NUMBL: variants seen among roughly 807,000 people sequenced by gnomAD.
The protein encoded by NUMBL is NUMB like endocytic adaptor protein.
NUMBL carries 20 observed loss-of-function variants against 48.9 expected under a neutral mutation model. That is an observed-to-expected ratio of 0.41 (90% CI 0.29 to 0.59). The LOEUF is 0.59. Among genes scored for constraint, NUMBL ranks in the 20% least tolerant of loss-of-function variants. The probability of loss-of-function intolerance (pLI) is 0.31; values close to 1 mark genes in which losing one functional copy is unlikely to be tolerated. For synonymous variants in NUMBL, 340 were observed against 348.7 expected (o/e 0.98, Z 0.28); for missense variants, 660 against 846.2 (o/e 0.78, Z 2.73).
chr19:40,667,911 A>G lies in NUMBL; in HGVS notation c.1387T>C (p.Phe463Leu). The stretch of plus-strand genomic sequence containing the variant: ...TCAAAGGGCCCCACGGGGGCGGGGA[A>G]AGGCTGCAGGGCAGGAGGCATGGTG... ...VPTMPPALQP[F>L]PAPVGPFDAA... The change falls in exon 10 of 10, where the codon TTC (phenylalanine) becomes CTC (leucine). Residue 463 changes from phenylalanine to leucine, a missense_variant. This residue lies in a region of NUMBL where 296 missense variants were observed against 339.7 expected (regional missense o/e 0.87). Transcript: ENST00000252891. The surrounding 1 kb of genome is among the most constrained non-coding windows in gnomAD (Gnocchi z 6.1). The G allele has an allele frequency of 6.4e-7, 1 of 1,573,346 alleles. No individual in the cohort carries two copies. The highest frequency in any genetic ancestry group is 8.6e-7 in the Non-Finnish European group (1 of 1,159,480).
chr19:40,675,894 CTCTG>C (rs1263017761), intron 7 of NUMBL, among the ~76,000 whole-genome samples: 3 of 151,212 alleles, frequency 2.0e-5, no homozygotes, highest in Non-Finnish European at 2.9e-5. Context: ...CAGGGTCTCA[CTCTG>C]TCTGTCACCC....
intron 8 of NUMBL, among the ~76,000 whole-genome samples, chr19:40,671,331 CCTGA>C (rs1245205873): frequency 2.6e-5 from 4 of 151,960 alleles, no homozygotes; most frequent in South Asian, 2.1e-4. Flanking sequence ...TGAGAGTATA[CCTGA>C]CTGTGAGTTT....
intron 8 of NUMBL, among the ~76,000 whole-genome samples, chr19:40,672,748 A>G (rs1376224705): frequency 3.9e-5 from 6 of 152,190 alleles, no homozygotes; most frequent in Admixed American, 3.3e-4. Flanking sequence ...CTAATTGATC[A>G]TGACTTGTGA....
chr19:40,670,077 C>T (rs2081839132), intron 8 of NUMBL, 57 bp from the exon 9 acceptor site: 18 of 1,579,380 alleles, frequency 1.1e-5, no homozygotes, highest in Non-Finnish European at 1.5e-5. Flanking sequence ...GCCGCAGCCC[C>T]GCCCTCTACC....
intron 6 of NUMBL, among the ~76,000 whole-genome samples, chr19:40,680,246 C>A (rs927774783): frequency 2.0e-5 from 3 of 151,436 alleles, no homozygotes; most frequent in African/African-American, 7.3e-5. Flanking sequence ...ATTCTCCCCA[C>A]ATGTGATTCT....
Position 40,667,158 on chromosome 19 carries a change from G to A in NUMBL, c.*310C>T. 6 of 383,866 alleles carry A rather than the reference G, an allele frequency of 1.6e-5. No individual in the cohort carries two copies. Among genetic ancestry groups the A allele is most frequent in the South Asian group, 7.3e-5 (3 of 40,870 alleles). The allele number at this position is 383,866 out of a possible 1,614,324, so 23.8% of individuals were successfully genotyped here. On this transcript the variant is annotated 3_prime_UTR_variant, in exon 10 of 10. Coordinates refer to ENST00000252891, the MANE Select transcript of NUMBL (RefSeq NM_004756.5). The surrounding 1 kb of genome is among the most constrained non-coding windows in gnomAD (Gnocchi z 6.1). The stretch of plus-strand genomic sequence containing the variant: ...CAACAGAAACTGGGAAATGGAGTGT[G>A]AACCAAGGGCATTCAGTGGGATTGT...
rs537096228 is a variant in NUMBL at position 40,668,108 on chromosome 19, G to A, written c.1190C>T (p.Pro397Leu). The A allele has an allele frequency of 1.8e-5, 29 of 1,602,874 alleles. No homozygotes were observed. The highest frequency in any genetic ancestry group is 3.7e-4 in the Middle Eastern group (2 of 5,376). ...GTSAWGEPSVPPAAAFQPGHK... is the reference protein window; with the variant it reads ...GTSAWGEPSVLPAAAFQPGHK... ...CCCAGGCTGGAAGGCAGCTGCAGGGGGCACGGAGGGCTCACCCCAGGCAGA... is the reference window on the plus strand; with the variant it reads ...CCCAGGCTGGAAGGCAGCTGCAGGGAGCACGGAGGGCTCACCCCAGGCAGA... The change falls in exon 10 of 10, where the codon CCC (proline) becomes CTC (leucine). Residue 397 changes from proline to leucine, a missense_variant. Pro to Leu is a moderately conservative substitution (Grantham distance 98). Transcript: ENST00000252891.
At chr19:40,670,975 ATATT>A (rs1418121633) in intron 8 of NUMBL, among the ~76,000 whole-genome samples, 10 of 152,156 alleles carry the variant, frequency 6.6e-5, no homozygotes, top group African/African-American at 1.2e-4. Context: ...TTTTTTAAAA[ATATT>A]TATTTATTTA....
chr19:40,677,900 G>A (rs1264794694), intron 6 of NUMBL, among the ~76,000 whole-genome samples: 1 of 152,154 alleles, frequency 6.6e-6, no homozygotes, highest in East Asian at 1.9e-4. Context: ...TGACTGGAAA[G>A]TGTATGAGGG....
Position 40,687,140 on chromosome 19 carries a change from G to A in NUMBL, c.25-145C>T. On this transcript the variant is annotated intron_variant, in intron 1 of 9. Transcript: ENST00000252891. This position sits in a 1 kb window ranked among gnomAD's most constrained non-coding sequence, Gnocchi z 4.6. ...CTAGTTGTCCTAGCAACTGTTACCA[G>A]GGAGATCAGCCACCTGGTTCCAAGG... 1.7e-6 allele frequency: 1 copy of A among 578,768 alleles called. No individual in the cohort carries two copies. The highest frequency in any genetic ancestry group is 2.1e-5 in the South Asian group (1 of 47,718). 35.9% of individuals were successfully genotyped at this position (578,768 alleles called of 1,614,324 possible).
rs766877208 is a variant in NUMBL, at chr19:40,677,424, A to G, written c.541-3T>C. On this transcript the variant is annotated splice_region_variant and splice_polypyrimidine_tract_variant and intron_variant, in intron 6 of 9. Transcript: ENST00000252891. The stretch of plus-strand genomic sequence containing the variant: ...ACAGCGTGGCTCAGCCTCTCGCCCT[A>G]TGGGGAGAGGATGGGCGGGGGGGTT... 2.5e-6 allele frequency: 4 copies of G among 1,606,532 alleles called. 1 individual carries two copies. The South Asian group carries it at 4.4e-5, about 18-fold the overall frequency.
chr19:40,677,555 A>C (rs1261481930), intron 6 of NUMBL, 134 bp from the exon 7 acceptor site: 1 of 718,480 alleles, frequency 1.4e-6, no homozygotes, highest in Non-Finnish European at 2.2e-6. Context: ...CTCAGTGCTC[A>C]TCTGCACCAC....
intron 3 of NUMBL, 102 bp downstream of exon 3, chr19:40,684,315 A>T: frequency 7.5e-7 from 1 of 1,341,248 alleles, no homozygotes; most frequent in Non-Finnish European, 1.0e-6. Context: ...CACCAACTTC[A>T]AACGACTTGG....
rs767656654 is a variant in NUMBL at position 40,673,601 on chromosome 19, C to G, written c.779G>C (p.Gly260Ala). Residue 260 changes from glycine to alanine, a missense_variant, in exon 8 of 10, where the codon GGG becomes GCG. Physicochemically the swap from Gly to Ala is moderately conservative, Grantham distance 60 (BLOSUM62 0). Transcript: ENST00000252891. The surrounding 1 kb of genome is among the most constrained non-coding windows in gnomAD (Gnocchi z 5.9). Reference protein sequence around the residue: ...PTVAPGPAQPGHVSPTPATTS... With the variant: ...PTVAPGPAQPAHVSPTPATTS... Reference sequence around the variant, plus strand: ...GGTGGCTGGTGTCGGGGACACGTGCCCAGGCTGGGCAGGGCCAGGAGCCAC... The same window carrying G: ...GGTGGCTGGTGTCGGGGACACGTGCGCAGGCTGGGCAGGGCCAGGAGCCAC... 10 of 1,528,186 alleles carry G rather than the reference C, an allele frequency of 6.5e-6. No individual in the cohort carries two copies. The highest frequency in any genetic ancestry group is 8.8e-6 in the Non-Finnish European group (10 of 1,132,996). The allele number at this position is 1,528,186 out of a possible 1,614,324, so 94.7% of individuals were successfully genotyped here.
intron 7 of NUMBL, among the ~76,000 whole-genome samples, chr19:40,676,764 G>C (rs2081878348): frequency 6.6e-6 from 1 of 151,860 alleles, no homozygotes; most frequent in African/African-American, 2.4e-5. Flanking sequence ...AAACCACTTG[G>C]TGCGCCCTTA....
chr19:40,686,846 T>C, intron 2 of NUMBL, 65 bp downstream of exon 2: 1 of 998,878 alleles, frequency 1.0e-6, no homozygotes, highest in South Asian at 1.4e-5. Flanking sequence ...GGACAGCTCC[T>C]CTGGTCGTGT....
In NUMBL at chr19:40,667,140, A is replaced by C; in HGVS notation, c.*328T>G. ...ACACTGGAAGGTGGGGGTCAACAGA[A>C]ACTGGGAAATGGAGTGTGAACCAAG... On this transcript the variant is annotated 3_prime_UTR_variant, in exon 10 of 10. Coordinates refer to ENST00000252891, the MANE Select transcript of NUMBL (RefSeq NM_004756.5). The surrounding 1 kb of genome is among the most constrained non-coding windows in gnomAD (Gnocchi z 6.1). The C allele has an allele frequency of 3.0e-6, 1 of 333,230 alleles. No individual in the cohort carries two copies. The highest frequency in any genetic ancestry group is 5.7e-6 in the Non-Finnish European group (1 of 176,084). The allele number at this position is 333,230 out of a possible 1,614,324, so 20.6% of individuals were successfully genotyped here. A position where few individuals can be genotyped will look rare whatever the true frequency, so the allele number is the denominator to read the frequency against.
At position 40,682,361 on chromosome 19, in the gene NUMBL, G is replaced by T. The variant is rs1415316762; in HGVS notation, c.399+367C>A. Among the ~76,000 whole-genome samples the T allele has an allele frequency of 6.6e-6, 1 of 152,040 alleles. No individual in the cohort carries two copies. Among genetic ancestry groups the T allele is most frequent in the African/African-American group, 2.4e-5 (1 of 41,402 alleles). On this transcript the variant is annotated intron_variant, in intron 5 of 9. Coordinates refer to ENST00000252891, the MANE Select transcript of NUMBL (RefSeq NM_004756.5). The surrounding 1 kb of genome is among the most constrained non-coding windows in gnomAD (Gnocchi z 4.0). ...GCTGGTCTCGAACTCCTGACCTCAGGTAATCTACCCTCCTTGGCCTCCCAA... is the reference window on the plus strand; with the variant it reads ...GCTGGTCTCGAACTCCTGACCTCAGTTAATCTACCCTCCTTGGCCTCCCAA...
chr19:40,667,074 A>G lies in NUMBL; in HGVS notation c.*394T>C. ...TGGGGTGGGCACTGGTGTGGGGCCCAGGAGAGCCCCTAAGCAAGTGTCCCC... is the reference window on the plus strand; with the variant it reads ...TGGGGTGGGCACTGGTGTGGGGCCCGGGAGAGCCCCTAAGCAAGTGTCCCC... On this transcript the variant is annotated 3_prime_UTR_variant, in exon 10 of 10. Transcript: ENST00000252891. The surrounding 1 kb of genome is among the most constrained non-coding windows in gnomAD (Gnocchi z 6.1). 1 of 266,216 alleles carries G rather than the reference A, an allele frequency of 3.8e-6. No individual in the cohort carries two copies. The allele number at this position is 266,216 out of a possible 1,614,324, so 16.5% of individuals were successfully genotyped here. A position where few individuals can be genotyped will look rare whatever the true frequency, so the allele number is the denominator to read the frequency against.
Sources: allele counts gnomAD v4.1 joint callset (sites outside exome capture counted in the v4.1 genomes callset), GRCh38; gene constraint gnomAD v4.1.1; regional missense constraint gnomAD v4.1.1; non-coding constraint Gnocchi (gnomAD v3.1); transcripts MANE v1.5; gene names NCBI Gene and HGNC (gene_info 2026-07-23, HGNC 2026-07-21).